Variants in MTERF4 observed in about 807,000 individuals in gnomAD.
MTERF4 encodes transcription termination factor 4, mitochondrial.
Under a neutral mutation model 22.5 loss-of-function variants are expected in MTERF4, and 17 were observed. The ratio of observed to expected loss-of-function variants is 0.75; its 90% CI spans 0.52 to 1.13. The LOEUF is 1.13. Among genes scored for constraint, MTERF4 ranks in the 50% most tolerant of loss-of-function variants. The pLI is 0.00. For synonymous variants in MTERF4, 165 were observed against 175.3 expected, an observed-to-expected ratio of 0.94 and a Z score of 0.47; for missense variants, 420 against 466.8, an observed-to-expected ratio of 0.90 and a Z score of 0.92.
At chr2:241,065,285 C>T in the MTERF4 span, 5 of 1,611,956 alleles carry the variant, frequency 3.1e-6, no homozygotes, top group Middle Eastern at 1.6e-4. Context: ...CTTGTTTTGA[C>T]CCAAACCCTG....
At chr2:241,078,374 C>A (rs1384730746) in intron 4 of MTERF4, among the ~76,000 whole-genome samples, 1 of 119,274 alleles carries the variant, frequency 8.4e-6, no homozygotes. Flanking sequence ...CAGAACTAGA[C>A]TCCGTCTCAA....
rs752165231 is a variant in MTERF4, at chr2:241,099,991, C to T, written c.22-97G>A. 4.9e-6 allele frequency: 7 copies of T among 1,415,720 alleles called. No individual in the cohort carries two copies. In the South Asian group the frequency reaches 9.9e-5, roughly 20 times the overall value. 87.7% of individuals were successfully genotyped at this position (1,415,720 alleles called of 1,614,324 possible). A position where few individuals can be genotyped will look rare whatever the true frequency, so the allele number is the denominator to read the frequency against. On this transcript the variant is annotated intron_variant, in intron 1 of 3. Coordinates refer to ENST00000391980, the MANE Select transcript of MTERF4 (RefSeq NM_182501.4). ...AGCCAGAGTACTTACTGCCTTGGTT[C>T]CACACAAACATACAATTTTTATAAG...
At chr2:241,065,205 A>G in the MTERF4 span, 24 of 1,330,348 alleles carry the variant, frequency 1.8e-5, no homozygotes, top group Non-Finnish European at 2.2e-5. Context: ...GTCAGGCCCA[A>G]GAGCCAGACC....
downstream of MTERF4, chr2:241,094,082 A>G (rs2064227088): frequency 3.0e-6 from 1 of 334,106 alleles, no homozygotes; most frequent in African/African-American, 2.2e-5. The surrounding 1 kb of genome is among the most constrained non-coding windows in gnomAD (Gnocchi z 4.3). Flanking sequence ...GGAAGAGAAA[A>G]TGAAAACACT....
chr2:241,074,916 G>GT (rs1179053084), exon 5 of MTERF4: 2 of 152,112 alleles, frequency 1.3e-5, no homozygotes, highest in Non-Finnish European at 2.9e-5. Flanking sequence ...GAATTCCTTT[G>GT]TTTTTTCAGA....
chr2:241,082,252 G>A (rs971933791), downstream of MTERF4: 4 of 1,580,668 alleles, frequency 2.5e-6, no homozygotes, highest in African/African-American at 5.4e-5. Flanking sequence ...AGCACCTGGT[G>A]AGCCACTGCC....
the MTERF4 span, chr2:241,062,824 A>G: frequency 6.2e-7 from 1 of 1,612,004 alleles, no homozygotes; most frequent in Non-Finnish European, 8.5e-7. Flanking sequence ...CCGTGCCTGC[A>G]TGGGGGCTCT....
chr2:241,071,080 A>AGGGAAG (rs1373029951), downstream of MTERF4, among the ~76,000 whole-genome samples: 1 of 152,014 alleles, frequency 6.6e-6, no homozygotes, highest in Non-Finnish European at 1.5e-5. Flanking sequence ...TGAGAGGGAG[A>AGGGAAG]GGGAAGGGGA....
intron 4 of MTERF4, among the ~76,000 whole-genome samples, chr2:241,079,893 G>A (rs1408319931): frequency 6.6e-6 from 1 of 152,172 alleles, no homozygotes; most frequent in Non-Finnish European, 1.5e-5. Flanking sequence ...ATTTTGAAAT[G>A]ATTGCATGTA....
At chr2:241,049,700 C>A in the MTERF4 span, 1 of 707,114 alleles carries the variant, frequency 1.4e-6, no homozygotes, top group Non-Finnish European at 2.5e-6. Context: ...TTTTCAGTGG[C>A]CTTGGTTCCA....
the MTERF4 span, chr2:241,050,008 G>C: frequency 3.8e-6 from 4 of 1,062,520 alleles, no homozygotes; most frequent in East Asian, 9.6e-5. Context: ...CTGCTTCTCT[G>C]CTGTCTCTCT....
intron 4 of MTERF4, among the ~76,000 whole-genome samples, chr2:241,080,966 T>C (rs2063299632): frequency 6.6e-6 from 1 of 152,220 alleles, no homozygotes; most frequent in African/African-American, 2.4e-5. Context: ...AGGACAGCCC[T>C]TGGATCAGGG....
chr2:241,080,403 T>C (rs986601093), intron 4 of MTERF4, among the ~76,000 whole-genome samples: 1 of 152,204 alleles, frequency 6.6e-6, no homozygotes, highest in Non-Finnish European at 1.5e-5. Context: ...TTCTGTTCAT[T>C]GAAAGGCCTG....
chr2:241,067,777 G>A (rs372897798), downstream of MTERF4: 21 of 1,608,192 alleles, frequency 1.3e-5, 1 homozygote, highest in Non-Finnish European at 1.0e-5. Context: ...CCCGCCCTGT[G>A]GAAGGCTTCG....
chr2:241,097,454 A>G, intron 2 of MTERF4, 27 bp from the exon 3 acceptor site: 1 of 1,600,022 alleles, frequency 6.2e-7, no homozygotes. Flanking sequence ...AAAGGCAAGC[A>G]TATAATTTCA....
At chr2:241,048,817 C>T in the MTERF4 span, 2 of 1,459,806 alleles carry the variant, frequency 1.4e-6, no homozygotes, top group South Asian at 2.4e-5. Context: ...TCCTCATAAT[C>T]GGGAAATGAA....
chr2:241,088,565 C>A, downstream of MTERF4: 1 of 631,066 alleles, frequency 1.6e-6, no homozygotes, highest in Non-Finnish European at 2.8e-6. Flanking sequence ...CAGGAAGGTT[C>A]AGAAGTCCCC....
the MTERF4 span, chr2:241,062,941 C>A: frequency 7.4e-7 from 1 of 1,351,846 alleles, no homozygotes; most frequent in Non-Finnish European, 1.0e-6. Flanking sequence ...GTGACAGCTG[C>A]AGCACACTGG....
chr2:241,049,770 C>A, the MTERF4 span: 3 of 1,476,602 alleles, frequency 2.0e-6, no homozygotes, highest in South Asian at 1.1e-5. Context: ...GCCGCCCGCA[C>A]AGATGCGGCG....
Sources: gnomAD v4.1 joint callset for allele counts (sites outside exome capture counted in the v4.1 genomes callset) on GRCh38, gnomAD v4.1.1 for gene constraint, Gnocchi (gnomAD v3.1) non-coding constraint, MANE v1.5 for transcripts, NCBI Gene and HGNC (gene_info 2026-07-23, HGNC 2026-07-21) for gene names.